ARFIP1: variants seen among roughly 807,000 people sequenced by gnomAD.
ARFIP1 encodes ARF interacting protein 1, also known as arfaptin-1.
In ARFIP1, 24 loss-of-function variants were observed where a neutral mutation model predicts 42.5. The observed-to-expected ratio is 0.57, with a 90% CI of 0.41 to 0.80. The LOEUF (loss-of-function observed/expected upper bound fraction) is 0.80. Ranked by LOEUF, ARFIP1 falls within the 30% of genes least tolerant of loss-of-function variation. ARFIP1 has a pLI of 0.00. For synonymous variants in ARFIP1, 141 were observed against 153.7 expected (o/e 0.92, Z 0.61); for missense variants, 354 against 434.0 (o/e 0.82, Z 1.64).
At chr4:152,834,166 G>A (rs1275484328) in intron 2 of ARFIP1, among the ~76,000 whole-genome samples, 1 of 152,162 alleles carries the variant, frequency 6.6e-6, no homozygotes, top group African/African-American at 2.4e-5. Flanking sequence ...AGGGAGTGGT[G>A]TTAAACCATT....
rs61436984 is a variant in ARFIP1, at chr4:152,904,197, TA to T, written c.967-5866del. Among the ~76,000 whole-genome samples the T allele has an allele frequency of 6.6e-3, 587 of 89,214 alleles. 1 individual carries two copies. Among genetic ancestry groups the T allele is most frequent in the Admixed American group, 0.013 (105 of 8,028 alleles). The allele number at this position is 89,214 out of a possible 152,430, so 58.5% of individuals were successfully genotyped here. On this transcript the variant is annotated intron_variant, in intron 8 of 8. Transcript: ENST00000353617. ...GTGTGTGTGTATATATATATATATA[TA>T]TTTTTTTTTTTTTAACGGAGTCTCG...
At chr4:152,866,145 G>A (rs1734313331) in intron 3 of ARFIP1, among the ~76,000 whole-genome samples, 1 of 152,084 alleles carries the variant, frequency 6.6e-6, no homozygotes. Context: ...ATTTAACCCT[G>A]AGTGGACACA....
At position 152,877,095 on chromosome 4, in the gene ARFIP1, C is replaced by T. The variant is rs147419787; in HGVS notation, c.412-3868C>T. ...GATCAGAGCCCCCCACACAGAGTCCCTACTGGGGCACCTCCTAGTGGAGCT... is the reference window on the plus strand; with the variant it reads ...GATCAGAGCCCCCCACACAGAGTCCTTACTGGGGCACCTCCTAGTGGAGCT... On this transcript the variant is annotated intron_variant, in intron 5 of 8. Coordinates refer to ENST00000353617, the MANE Select transcript of ARFIP1 (RefSeq NM_001025595.3). Among the ~76,000 whole-genome samples the T allele has an allele frequency of 5.0e-3, 758 of 152,316 alleles. 7 individuals carry two copies. The highest frequency in any genetic ancestry group is 0.017 in the African/African-American group (711 of 41,572).
intron 1 of ARFIP1, among the ~76,000 whole-genome samples, chr4:152,785,416 C>A (rs542653671): frequency 6.6e-6 from 1 of 152,082 alleles, no homozygotes. Context: ...GAATTTATAC[C>A]CTCAGTGGAA....
chr4:152,821,695 G>T (rs995656988), intron 1 of ARFIP1, among the ~76,000 whole-genome samples: 1 of 152,152 alleles, frequency 6.6e-6, no homozygotes, highest in African/African-American at 2.4e-5. Context: ...TAGTCATCAG[G>T]CTATCTAAAG....
intron 1 of ARFIP1, among the ~76,000 whole-genome samples, chr4:152,785,124 G>C (rs1010609790): frequency 2.0e-5 from 3 of 152,194 alleles, no homozygotes; most frequent in Admixed American, 6.5e-5. Flanking sequence ...GCTGTGGAGT[G>C]GGGGAATGGG....
chr4:152,909,089 A>G (rs1348132896), intron 8 of ARFIP1, among the ~76,000 whole-genome samples: 5 of 152,202 alleles, frequency 3.3e-5, no homozygotes, highest in South Asian at 4.1e-4. Flanking sequence ...GCAGTTGTAA[A>G]TAAGACCTCA....
At chr4:152,881,885 A>G (rs1318202427) in intron 6 of ARFIP1, among the ~76,000 whole-genome samples, 1 of 152,180 alleles carries the variant, frequency 6.6e-6, no homozygotes, top group African/African-American at 2.4e-5. Context: ...ATCTTCTAAT[A>G]TTTTAGTTAA....
chr4:152,880,473 T>A (rs1195202381), intron 5 of ARFIP1, among the ~76,000 whole-genome samples: 1 of 152,142 alleles, frequency 6.6e-6, no homozygotes, highest in African/African-American at 2.4e-5. Context: ...TCTCTTCCTC[T>A]TCCCCCCCGC....
intron 7 of ARFIP1, 39 bp downstream of exon 7, chr4:152,882,919 A>G: frequency 6.4e-7 from 1 of 1,560,512 alleles, no homozygotes; most frequent in Non-Finnish European, 8.7e-7. Context: ...TGTTTTACAG[A>G]TGGCATATAA....
At chr4:152,845,535 G>A (rs548270772) in intron 2 of ARFIP1, among the ~76,000 whole-genome samples, 3 of 152,028 alleles carry the variant, frequency 2.0e-5, no homozygotes, top group African/African-American at 7.2e-5. Flanking sequence ...AAACAAATGG[G>A]CAAAAGACAT....
At chr4:152,822,296 T>TAAAAAAAAAAAAAAAAAAAAAGAA (rs1730440457) in intron 1 of ARFIP1, among the ~76,000 whole-genome samples, 1 of 65,580 alleles carries the variant, frequency 1.5e-5, no homozygotes, top group Non-Finnish European at 3.3e-5. Flanking sequence ...GCAACAGCAG[T>TAAAAAAAAAAAAAAAAAAAAAGAA]AAAAAAAAAA....
At chr4:152,871,035 A>G (rs989197530) in intron 4 of ARFIP1, among the ~76,000 whole-genome samples, 187 bp downstream of exon 4, 39 of 152,204 alleles carry the variant, frequency 2.6e-4, no homozygotes, top group African/African-American at 9.2e-4. Flanking sequence ...GCTTTTCAGA[A>G]TAATTCGGCT....
At chr4:152,898,681 A>G (rs1414453717) in intron 8 of ARFIP1, among the ~76,000 whole-genome samples, 1 of 152,236 alleles carries the variant, frequency 6.6e-6, no homozygotes, top group Non-Finnish European at 1.5e-5. Flanking sequence ...TTGATGAAGA[A>G]AAATGTTAGT....
chr4:152,840,843 G>A (rs560833568), intron 2 of ARFIP1, among the ~76,000 whole-genome samples: 4 of 144,294 alleles, frequency 2.8e-5, no homozygotes, highest in African/African-American at 5.2e-5. Flanking sequence ...CTCAGCCTCC[G>A]GAGTAGCTGG....
intron 3 of ARFIP1, among the ~76,000 whole-genome samples, chr4:152,866,123 C>T (rs529525969): frequency 1.2e-3 from 189 of 152,078 alleles, no homozygotes; most frequent in African/African-American, 4.2e-3. Context: ...CATCTTGCAC[C>T]GCCCTTAATC....
chr4:152,846,629 TC>T (rs1732558300), intron 2 of ARFIP1, among the ~76,000 whole-genome samples: 1 of 152,204 alleles, frequency 6.6e-6, no homozygotes, highest in Non-Finnish European at 1.5e-5. Flanking sequence ...AATTCATTTT[TC>T]TATTTTAATA....
At chr4:152,820,926 T>C (rs1042721399) in intron 1 of ARFIP1, among the ~76,000 whole-genome samples, 2 of 152,108 alleles carry the variant, frequency 1.3e-5, no homozygotes, top group Admixed American at 6.5e-5. Context: ...TAAGTGACAA[T>C]AAACTACAAA....
chr4:152,840,629 T>C (rs573751959), intron 2 of ARFIP1, among the ~76,000 whole-genome samples: 1 of 152,300 alleles, frequency 6.6e-6, no homozygotes, highest in South Asian at 2.1e-4. Flanking sequence ...TTTAAGTTTA[T>C]CTGAGTCCTT....
Sources: allele counts gnomAD v4.1 joint callset (sites outside exome capture counted in the v4.1 genomes callset), GRCh38; gene constraint gnomAD v4.1.1; transcripts MANE v1.5; gene names NCBI Gene and HGNC (gene_info 2026-07-23, HGNC 2026-07-21).